The following TAFA2 variants were observed in gnomAD, a reference collection of about 807,000 sequenced individuals.
The protein encoded by TAFA2 is chemokine-like protein TAFA-2.
In TAFA2, 7 loss-of-function variants were observed where a neutral mutation model predicts 18.8. That is an observed-to-expected ratio of 0.37 (90% CI 0.21 to 0.70). TAFA2 has a LOEUF of 0.70. TAFA2 is among the 30% of genes least tolerant of loss of function. TAFA2 has a pLI of 0.53. For synonymous variants in TAFA2, 60 were observed against 54.2 expected (o/e 1.11, Z -0.47); for missense variants, 122 against 158.1 (o/e 0.77, Z 1.23).
At chr12:62,069,175 G>A (rs568011881) in intron 1 of TAFA2, among the ~76,000 whole-genome samples, 47 of 152,246 alleles carry the variant, frequency 3.1e-4, no homozygotes, top group African/African-American at 1.1e-3. Context: ...TCTCCAGGCT[G>A]ACTCCTTTCT....
chr12:62,140,332 C>A (rs2062229486), intron 1 of TAFA2: 1 of 152,196 alleles, frequency 6.6e-6, no homozygotes, highest in Non-Finnish European at 1.5e-5. Flanking sequence ...TGCAAGAAAT[C>A]AGCTCTCAGC....
chr12:61,785,552 C>G (rs74349367), intron 2 of TAFA2, among the ~76,000 whole-genome samples: 1 of 151,318 alleles, frequency 6.6e-6, no homozygotes. Flanking sequence ...TACTTGTTGG[C>G]AATGAAATAA....
intron 1 of TAFA2, among the ~76,000 whole-genome samples, chr12:61,919,249 T>G (rs546346681): frequency 6.6e-6 from 1 of 152,198 alleles, no homozygotes; most frequent in Non-Finnish European, 1.5e-5. Flanking sequence ...ACCAAAAGAC[T>G]TGCTAATTTA....
At chr12:61,851,354 G>C (rs557941204) in intron 2 of TAFA2, among the ~76,000 whole-genome samples, 1 of 152,140 alleles carries the variant, frequency 6.6e-6, no homozygotes, top group African/African-American at 2.4e-5. Context: ...GTGGCATAAA[G>C]GGGCATAGTG....
At chr12:61,989,026 T>C (rs1879910292) in intron 1 of TAFA2, among the ~76,000 whole-genome samples, 1 of 152,214 alleles carries the variant, frequency 6.6e-6, no homozygotes, top group Admixed American at 6.5e-5. Context: ...TTGTATATGA[T>C]GTAAGTGCCT....
intron 2 of TAFA2, among the ~76,000 whole-genome samples, chr12:61,815,649 C>A (rs1309445514): frequency 6.8e-6 from 1 of 147,320 alleles, no homozygotes; most frequent in Non-Finnish European, 1.5e-5. Flanking sequence ...GGAGACAGAG[C>A]AAGACTCCGT....
At chr12:61,927,937 T>C (rs576591572) in intron 1 of TAFA2, among the ~76,000 whole-genome samples, 11 of 152,112 alleles carry the variant, frequency 7.2e-5, no homozygotes, top group South Asian at 2.1e-4. Flanking sequence ...ATAAATGGCG[T>C]TGGGAAAACT....
In TAFA2 at chr12:61,983,427, G is replaced by GTTTT. The variant is rs1879708849; in HGVS notation, c.-1-116002_-1-116001insAAAA. Among the ~76,000 whole-genome samples, 10 of 151,584 alleles carry GTTTT rather than the reference G, an allele frequency of 6.6e-5. 1 individual carries two copies. In the South Asian group the frequency reaches 2.1e-3, roughly 32 times the overall value. ...GTTTTGTTTTGTTTTGTTTTGTTTT[G>GTTTT]GGACAGAGTCTCAATCTGTAGCCAG... On this transcript the variant is annotated intron_variant, in intron 1 of 4. Coordinates refer to ENST00000416284, the MANE Select transcript of TAFA2 (RefSeq NM_178539.5).
intron 1 of TAFA2, among the ~76,000 whole-genome samples, chr12:62,125,682 C>A (rs975318111): frequency 6.6e-6 from 1 of 151,728 alleles, no homozygotes; most frequent in African/African-American, 2.4e-5. Flanking sequence ...TATTTTTTTT[C>A]TTTTGTTTCC....
intron 2 of TAFA2, among the ~76,000 whole-genome samples, chr12:61,859,177 G>A (rs1439770652): frequency 6.6e-6 from 1 of 152,218 alleles, no homozygotes; most frequent in Non-Finnish European, 1.5e-5. Flanking sequence ...AGGCAAAAGA[G>A]AAGCAGGCAC....
At chr12:62,022,527 C>T (rs187730629) in intron 1 of TAFA2, among the ~76,000 whole-genome samples, 1 of 152,228 alleles carries the variant, frequency 6.6e-6, no homozygotes, top group East Asian at 1.9e-4. Context: ...TTGAGTGTTA[C>T]CATGTGCCAG....
chr12:61,912,913 C>T (rs183986603), intron 1 of TAFA2, among the ~76,000 whole-genome samples: 42 of 152,186 alleles, frequency 2.8e-4, no homozygotes, highest in Middle Eastern at 3.4e-3. Flanking sequence ...AAGCAGCAGC[C>T]CTCTAGGTCT....
At chr12:62,007,322 C>A (rs749861006) in intron 1 of TAFA2, among the ~76,000 whole-genome samples, 3 of 152,164 alleles carry the variant, frequency 2.0e-5, no homozygotes, top group Non-Finnish European at 4.4e-5. Context: ...ATCACCACAT[C>A]CTCTTACCCT....
intron 1 of TAFA2, among the ~76,000 whole-genome samples, chr12:61,949,824 AGTTGT>A (rs1348672173): frequency 6.6e-6 from 1 of 152,196 alleles, no homozygotes; most frequent in Non-Finnish European, 1.5e-5. Flanking sequence ...TGTACAATTC[AGTTGT>A]GTTAAGTACA....
At chr12:61,927,315 G>T (rs944923006) in intron 1 of TAFA2, among the ~76,000 whole-genome samples, 1 of 152,080 alleles carries the variant, frequency 6.6e-6, no homozygotes, top group Non-Finnish European at 1.5e-5. Flanking sequence ...CTTCAGCAAA[G>T]TCTCAGGATA....
At chr12:61,980,533 G>A (rs1879595297) in intron 1 of TAFA2, among the ~76,000 whole-genome samples, 1 of 152,136 alleles carries the variant, frequency 6.6e-6, no homozygotes, top group Non-Finnish European at 1.5e-5. Flanking sequence ...GTTTGCAGAT[G>A]ACATGATTGT....
At chr12:62,001,405 C>A (rs551000943) in intron 1 of TAFA2, among the ~76,000 whole-genome samples, 1 of 151,884 alleles carries the variant, frequency 6.6e-6, no homozygotes, top group Non-Finnish European at 1.5e-5. Context: ...AATAATTATA[C>A]AATTCACCAT....
At position 61,785,581 on chromosome 12, in the gene TAFA2, G is replaced by A. The variant is rs536596354; in HGVS notation, c.107-30557C>T. 7.9e-5 allele frequency among the ~76,000 whole-genome samples: 12 copies of A among 151,300 alleles called. No homozygotes were observed. The East Asian group carries it at 1.8e-3, about 22-fold the overall frequency. ...GAAATAATAACTATAAATATTGAAG[G>A]TGCACCTCTTATGACTTTATGAACT... is the stretch of plus-strand genomic sequence containing the variant. On this transcript the variant is annotated intron_variant, in intron 2 of 4. Transcript: ENST00000416284.
Position 61,768,289 on chromosome 12 carries a change from A to C in TAFA2, c.107-13265T>G, listed in dbSNP as rs143567392. On this transcript the variant is annotated intron_variant, in intron 2 of 4. Transcript: ENST00000416284. ...TTTCTGCTCTGCAAAAGACACTGTC[A>C]GTCAAAAAAAATGGTGAAAAGTAGG... Among the ~76,000 whole-genome samples the C allele has an allele frequency of 1.1e-4, 16 of 152,284 alleles. No individual in the cohort carries two copies. In the East Asian group the frequency reaches 3.1e-3, roughly 29 times the overall value.
Sources: gnomAD v4.1 joint callset for allele counts (sites outside exome capture counted in the v4.1 genomes callset) on GRCh38, gnomAD v4.1.1 for gene constraint, MANE v1.5 for transcripts, NCBI Gene and HGNC (gene_info 2026-07-23, HGNC 2026-07-21) for gene names.